LRP1B: variants seen among roughly 807,000 people sequenced by gnomAD.
The protein encoded by LRP1B is low-density lipoprotein receptor-related protein 1B.
A neutral mutation model predicts 556.6 loss-of-function variants in LRP1B; 217 were observed. That is an observed-to-expected ratio of 0.39 (90% CI 0.35 to 0.44). The LOEUF is 0.44. Among genes scored for constraint, LRP1B ranks in the 20% least tolerant of loss-of-function variants. LRP1B has a pLI of 1.00. For synonymous variants in LRP1B, 2,047 were observed against 1,865.8 expected (o/e 1.10, Z -2.50); for missense variants, 5,053 against 5,620.8 (o/e 0.90, Z 3.23).
chr2:141,556,990 G>T (rs1050262811), intron 2 of LRP1B, among the ~76,000 whole-genome samples: 3 of 151,658 alleles, frequency 2.0e-5, no homozygotes, highest in African/African-American at 7.3e-5. Context: ...CCAGAGGATT[G>T]GATGTAAATA....
intron 35 of LRP1B, among the ~76,000 whole-genome samples, chr2:140,720,679 C>G (rs1245847855): frequency 6.6e-6 from 1 of 152,040 alleles, no homozygotes; most frequent in Non-Finnish European, 1.5e-5. Context: ...TCACCCTTGT[C>G]TGTATTCTTA....
intron 6 of LRP1B, among the ~76,000 whole-genome samples, chr2:141,199,524 C>G (rs913505329): frequency 1.3e-5 from 2 of 152,082 alleles, no homozygotes; most frequent in Admixed American, 1.3e-4. Flanking sequence ...CCTAAACTCC[C>G]TGTTCTAATA....
Position 140,853,656 on chromosome 2 carries a change from A to G in LRP1B, c.4580-1873T>C, listed in dbSNP as rs562228261. 2.0e-5 allele frequency among the ~76,000 whole-genome samples: 3 copies of G among 149,652 alleles called. No individual in the cohort carries two copies. In the East Asian group the frequency reaches 5.9e-4, roughly 29 times the overall value. The stretch of plus-strand genomic sequence containing the variant: ...AACATTCCTTACATCAAGATGATAA[A>G]AGTAATAGTGTCTTTGTATTTGTTA... On this transcript the variant is annotated intron_variant, in intron 27 of 90. Coordinates refer to ENST00000389484, the MANE Select transcript of LRP1B (RefSeq NM_018557.3).
chr2:140,509,062 G>GCACA (rs754019204), intron 52 of LRP1B, among the ~76,000 whole-genome samples: 12 of 103,646 alleles, frequency 1.2e-4, no homozygotes, highest in African/African-American at 1.9e-4. Context: ...ACATACCCCT[G>GCACA]CACACACACA....
chr2:142,035,749 C>T (rs1172446536), intron 1 of LRP1B, among the ~76,000 whole-genome samples: 1 of 151,634 alleles, frequency 6.6e-6, no homozygotes, highest in East Asian at 1.9e-4. Flanking sequence ...AAATCAGTTC[C>T]TCCCAGATAA....
chr2:141,809,278 T>C (rs1696260686), intron 2 of LRP1B, among the ~76,000 whole-genome samples: 1 of 152,164 alleles, frequency 6.6e-6, no homozygotes, highest in Non-Finnish European at 1.5e-5. Context: ...CAGCAAGGTT[T>C]TCTTCAAAAC....
chr2:141,720,026 C>A (rs1692758695), intron 2 of LRP1B, among the ~76,000 whole-genome samples: 1 of 152,046 alleles, frequency 6.6e-6, no homozygotes, highest in Non-Finnish European at 1.5e-5. Flanking sequence ...AAAAGGTATT[C>A]ATTAAAGAAG....
intron 1 of LRP1B, among the ~76,000 whole-genome samples, chr2:141,965,827 T>A (rs1169370791): frequency 6.7e-6 from 1 of 149,938 alleles, no homozygotes; most frequent in African/African-American, 2.4e-5. Flanking sequence ...AATTGTTTTT[T>A]TTTTAAGAAA....
chr2:141,885,922 A>G (rs1288138903), intron 1 of LRP1B, among the ~76,000 whole-genome samples: 1 of 152,212 alleles, frequency 6.6e-6, no homozygotes, highest in African/African-American at 2.4e-5. Context: ...ATTGATGAAT[A>G]TATGTGCTCT....
Position 140,232,972 on chromosome 2 carries a change from G to A in LRP1B, c.*214C>T, listed in dbSNP as rs1031064181. On this transcript the variant is annotated 3_prime_UTR_variant, in exon 91 of 91. Transcript: ENST00000389484. ...CAGCAGCATTGTTGTAAATTGTACT[G>A]TAGTGCAGTTCTTTTTCATAAAAAT... The A allele has an allele frequency of 2.6e-6, 1 of 383,278 alleles. No homozygotes were observed. Among genetic ancestry groups the A allele is most frequent in the African/African-American group, 2.1e-5 (1 of 47,854 alleles). 23.7% of individuals were successfully genotyped at this position (383,278 alleles called of 1,614,324 possible).
chr2:140,523,295 T>C (rs536220442), intron 49 of LRP1B, among the ~76,000 whole-genome samples: 3 of 152,044 alleles, frequency 2.0e-5, no homozygotes, highest in South Asian at 2.1e-4. Context: ...ACAAAACCCA[T>C]GTGATCATCT....
intron 2 of LRP1B, among the ~76,000 whole-genome samples, chr2:141,613,095 A>T (rs1326032832): frequency 1.3e-5 from 2 of 152,018 alleles, no homozygotes; most frequent in African/African-American, 4.8e-5. Context: ...GGCATGAGCC[A>T]CCGCACCTGG....
intron 31 of LRP1B, among the ~76,000 whole-genome samples, chr2:140,815,867 CTTTT>C (rs36080198): frequency 1.1e-5 from 1 of 91,218 alleles, no homozygotes; most frequent in African/African-American, 3.5e-5. Context: ...TGTTGTCTCT[CTTTT>C]TTTTTTTTTT....
At chr2:140,386,553 G>T (rs1270196562) in intron 66 of LRP1B, among the ~76,000 whole-genome samples, 2 of 152,156 alleles carry the variant, frequency 1.3e-5, no homozygotes, top group Non-Finnish European at 2.9e-5. Context: ...CTTCACATGT[G>T]TACAGAGTTT....
intron 1 of LRP1B, among the ~76,000 whole-genome samples, chr2:141,872,598 TA>T (rs1698623742): frequency 6.8e-6 from 1 of 146,414 alleles, no homozygotes; most frequent in South Asian, 2.2e-4. Context: ...TTAACATTTT[TA>T]AAAACATTCA....
intron 5 of LRP1B, among the ~76,000 whole-genome samples, chr2:141,238,620 T>C (rs565991173): frequency 6.6e-6 from 1 of 152,164 alleles, no homozygotes; most frequent in African/African-American, 2.4e-5. Context: ...AATAAGCAAG[T>C]AAACAAATAT....
At chr2:140,448,477 C>T (rs1162403499) in intron 63 of LRP1B, among the ~76,000 whole-genome samples, 2 of 152,024 alleles carry the variant, frequency 1.3e-5, no homozygotes, top group Non-Finnish European at 2.9e-5. Flanking sequence ...ACCTGGAGGA[C>T]ATTATTTTAT....
At chr2:141,761,755 C>A (rs1694558122) in intron 2 of LRP1B, among the ~76,000 whole-genome samples, 1 of 152,100 alleles carries the variant, frequency 6.6e-6, no homozygotes, top group Non-Finnish European at 1.5e-5. Flanking sequence ...AAAAACCCAG[C>A]TTCAAAAAGA....
Position 140,834,086 on chromosome 2 carries a change from G to A in LRP1B, c.5209+5905C>T, listed in dbSNP as rs554784312. On this transcript the variant is annotated intron_variant, in intron 31 of 90. Transcript: ENST00000389484. The stretch of plus-strand genomic sequence containing the variant: ...CATAAAACAACATTTTATAACTTAA[G>A]GCTCTTCAAACAACTTCCCCTCAGA... Among the ~76,000 whole-genome samples the A allele has an allele frequency of 9.2e-5, 14 of 152,228 alleles. No individual in the cohort carries two copies. In the East Asian group the frequency reaches 2.3e-3, roughly 25 times the overall value.
Sources: gnomAD v4.1 joint callset for allele counts (sites outside exome capture counted in the v4.1 genomes callset) on GRCh38, gnomAD v4.1.1 for gene constraint, MANE v1.5 for transcripts, NCBI Gene and HGNC (gene_info 2026-07-23, HGNC 2026-07-21) for gene names.